Variants in COL4A1 observed in about 807,000 individuals in gnomAD.
COL4A1 encodes the protein collagen alpha-1(IV) chain.
In COL4A1, 40 loss-of-function variants were observed where a neutral mutation model predicts 216.6. The observed-to-expected ratio is 0.18, with a 90% CI of 0.14 to 0.24. The LOEUF (loss-of-function observed/expected upper bound fraction) is 0.24. Ranked by LOEUF, COL4A1 falls within the 10% of genes least tolerant of loss-of-function variation. The pLI, the probability that COL4A1 is intolerant of heterozygous loss-of-function variation, is 1.00. For missense variants in COL4A1, 1,628 were observed against 2,196.8 expected (o/e 0.74, Z 5.18); for synonymous variants, 839 against 810.7 (o/e 1.03, Z -0.59).
Position 110,205,629 on chromosome 13 carries a change from G to A in COL4A1, c.859-91C>T, listed in dbSNP as rs544607778. ...TGTAATCCCAGCACTTTGGGAGGCC[G>A]AGGTGGGTGGATCACCTGAGGTCAG... On this transcript the variant is annotated intron_variant, in intron 15 of 51. Transcript: ENST00000375820. 3.7e-4 allele frequency: 503 copies of A among 1,363,602 alleles called. 2 individuals carry two copies. Among genetic ancestry groups the A allele is most frequent in the South Asian group, 1.6e-3 (139 of 85,456 alleles). 84.5% of individuals were successfully genotyped at this position (1,363,602 alleles called of 1,614,324 possible).
At position 110,187,339 on chromosome 13, in the gene COL4A1, C is replaced by A; in HGVS notation, c.1537-10G>T. 6.2e-7 allele frequency: 1 copy of A among 1,611,974 alleles called. No homozygotes were observed. Among genetic ancestry groups the A allele is most frequent in the Non-Finnish European group, 8.5e-7 (1 of 1,179,832 alleles). On this transcript the variant is annotated splice_polypyrimidine_tract_variant and intron_variant, in intron 24 of 51. Transcript: ENST00000375820. The stretch of plus-strand genomic sequence containing the variant: ...GTGTACCTTGAGGGCCCTGTAAGAA[C>A]AAAGCCTTGTGATCCACAGAAGAAC...
In COL4A1 at chr13:110,181,366, T is replaced by C. The variant is rs753036227; in HGVS notation, c.2119A>G (p.Met707Val). 1 of 1,613,280 alleles carries C rather than the reference T, an allele frequency of 6.2e-7. No homozygotes were observed. Among genetic ancestry groups the C allele is most frequent in the Non-Finnish European group, 8.5e-7 (1 of 1,179,836 alleles). ...PKGVDGLPGD[M>V]GPPGTPGRPG... The stretch of plus-strand genomic sequence containing the variant: ...CGACCTGGAGTCCCCGGTGGCCCCA[T>C]GTCTCCAGGTAAGCCGTCAACACCT... Residue 707 changes from methionine (M) to valine (V), a missense_variant, in exon 29 of 52, where the codon ATG becomes GTG. Coordinates refer to ENST00000375820, the MANE Select transcript of COL4A1 (RefSeq NM_001845.6).
intron 1 of COL4A1, among the ~76,000 whole-genome samples, chr13:110,304,920 T>C (rs1884626505): frequency 1.3e-5 from 2 of 152,218 alleles, no homozygotes; most frequent in Non-Finnish European, 2.9e-5. Context: ...CATCTTATCA[T>C]TCAAAATGTG....
intron 47 of COL4A1, 72 bp from the exon 48 acceptor site, chr13:110,162,514 C>A: frequency 1.8e-6 from 2 of 1,119,506 alleles, no homozygotes; most frequent in Admixed American, 1.7e-5. Flanking sequence ...AAATCATTTT[C>A]TCCAAAGAGT....
At chr13:110,215,641 G>A (rs1203539208) in intron 2 of COL4A1, among the ~76,000 whole-genome samples, 2 of 151,950 alleles carry the variant, frequency 1.3e-5, no homozygotes, top group Admixed American at 1.3e-4. Context: ...GTGGACTTCA[G>A]TGCAGCCTTA....
At chr13:110,256,445 G>A (rs1017312012) in intron 1 of COL4A1, among the ~76,000 whole-genome samples, 5 of 152,224 alleles carry the variant, frequency 3.3e-5, no homozygotes, top group African/African-American at 1.2e-4. Flanking sequence ...GGAACCAGCA[G>A]GCACTGTGAA....
intron 1 of COL4A1, among the ~76,000 whole-genome samples, chr13:110,281,226 C>T (rs1438072623): frequency 3.3e-5 from 5 of 152,202 alleles, no homozygotes; most frequent in Admixed American, 6.5e-5. Context: ...TGTGATGACA[C>T]GACTCTGGGA....
At chr13:110,169,835 A>C (rs927624028) in intron 42 of COL4A1, 73 bp from the exon 43 acceptor site, 1 of 1,596,628 alleles carries the variant, frequency 6.3e-7, no homozygotes, top group East Asian at 2.3e-5. Context: ...GGGGCTATCA[A>C]TACTGCCACC....
chr13:110,292,742 T>A (rs1258976957), intron 1 of COL4A1, among the ~76,000 whole-genome samples: 2 of 151,990 alleles, frequency 1.3e-5, no homozygotes, highest in Admixed American at 6.6e-5. Flanking sequence ...TCTAATCATC[T>A]CCCACCAGGT....
chr13:110,207,418 G>A lies in COL4A1; in HGVS notation c.765C>T (p.Ala255=). The A allele has an allele frequency of 1.9e-6, 3 of 1,613,910 alleles. No individual in the cohort carries two copies. Among genetic ancestry groups the A allele is most frequent in the Non-Finnish European group, 2.5e-6 (3 of 1,179,866 alleles). ...QAQVQEKGDF[A]TKGEKGQKGE... ...CCACTCATACCTTTTCTCCCTTGGT[G>A]GCGAAGTCTCCTTTTTCTTGAACTT... The change falls in exon 13 of 52, where the codon GCC becomes GCT. Residue 255 remains alanine (A), a synonymous_variant. Coordinates refer to ENST00000375820, the MANE Select transcript of COL4A1 (RefSeq NM_001845.6). The surrounding 1 kb of genome is among the most constrained non-coding windows in gnomAD (Gnocchi z 4.4).
intron 40 of COL4A1, 118 bp downstream of exon 40, chr13:110,173,782 G>A (rs1487454179): frequency 8.8e-7 from 1 of 1,130,802 alleles, no homozygotes; most frequent in African/African-American, 1.5e-5. Context: ...GTAGTTGCAG[G>A]GATGTGCAGT....
At chr13:110,217,076 G>T (rs1380977689) in intron 2 of COL4A1, among the ~76,000 whole-genome samples, 1 of 152,084 alleles carries the variant, frequency 6.6e-6, no homozygotes, top group Non-Finnish European at 1.5e-5. Context: ...TTTTTTTAAC[G>T]TTCTTAATCT....
rs540968395 is a variant in COL4A1 at position 110,270,180 on chromosome 13, A to G, written c.85-27446T>C. ...GAAGGCTGCGACCTTCTTCAGAGAA[A>G]TAACAGGAAAGTTCATCTACCTGAA... is the stretch of plus-strand genomic sequence containing the variant. On this transcript the variant is annotated intron_variant, in intron 1 of 51. Transcript: ENST00000375820. Among the ~76,000 whole-genome samples the G allele has an allele frequency of 2.6e-5, 4 of 152,334 alleles. No individual in the cohort carries two copies. The East Asian group carries it at 7.7e-4, about 29-fold the overall frequency.
chr13:110,167,140 A>T lies in COL4A1; in HGVS notation c.3949+18T>A. The T allele has an allele frequency of 6.2e-7, 1 of 1,609,194 alleles. No homozygotes were observed. The highest frequency in any genetic ancestry group is 8.5e-7 in the Non-Finnish European group (1 of 1,175,498). On this transcript the variant is annotated intron_variant, in intron 44 of 51. Coordinates refer to ENST00000375820, the MANE Select transcript of COL4A1 (RefSeq NM_001845.6). ...CTGCTGCTGCAAAGGCTGTGCAGCA[A>T]GGTCTGTGCTGTCTTACCTTGAAAT...
At position 110,275,739 on chromosome 13, in the gene COL4A1, T is replaced by G. The variant is rs112348230; in HGVS notation, c.84+31205A>C. Among the ~76,000 whole-genome samples, 893 of 152,228 alleles carry G rather than the reference T, an allele frequency of 5.9e-3. 14 individuals are homozygous for G. Among genetic ancestry groups the G allele is most frequent in the African/African-American group, 0.02 (845 of 41,546 alleles). ...TAAAAATAAATGAGCTATCAAGACG[T>G]GAACAGACATGGAGGAACCTCAAAT... On this transcript the variant is annotated intron_variant, in intron 1 of 51. Transcript: ENST00000375820.
chr13:110,236,154 T>C (rs1452607802), intron 2 of COL4A1, among the ~76,000 whole-genome samples: 1 of 152,228 alleles, frequency 6.6e-6, no homozygotes, highest in African/African-American at 2.4e-5. Flanking sequence ...GTAGATGATG[T>C]GTTTAAAACC....
intron 1 of COL4A1, among the ~76,000 whole-genome samples, chr13:110,248,980 G>A (rs1881958435): frequency 1.3e-5 from 2 of 151,986 alleles, no homozygotes; most frequent in African/African-American, 2.4e-5. Context: ...CTTGTGTCAC[G>A]CTTGTTTTAA....
At chr13:110,288,126 T>A (rs1168306690) in intron 1 of COL4A1, among the ~76,000 whole-genome samples, 7 of 147,898 alleles carry the variant, frequency 4.7e-5, no homozygotes, top group African/African-American at 2.5e-5. Flanking sequence ...TACCCAGGAG[T>A]GGTGGCAGAC....
At chr13:110,196,684 A>C (rs907041352) in intron 21 of COL4A1, among the ~76,000 whole-genome samples, 2 of 152,238 alleles carry the variant, frequency 1.3e-5, no homozygotes, top group African/African-American at 4.8e-5. Flanking sequence ...GAGGAGTTCT[A>C]AAGTGCAAAT....
Sources: allele counts gnomAD v4.1 joint callset (sites outside exome capture counted in the v4.1 genomes callset), GRCh38; gene constraint gnomAD v4.1.1; non-coding constraint Gnocchi (gnomAD v3.1); transcripts MANE v1.5; gene names NCBI Gene and HGNC (gene_info 2026-07-23, HGNC 2026-07-21).